The following PITPNB variants were observed in gnomAD, a reference collection of about 807,000 sequenced individuals.
PITPNB encodes phosphatidylinositol transfer protein beta isoform.
Under a neutral mutation model 45.9 loss-of-function variants are expected in PITPNB, and 16 were observed. The observed-to-expected ratio is 0.35, with a 90% CI of 0.24 to 0.53. The LOEUF is 0.53. Ranked by LOEUF, PITPNB falls within the 20% of genes least tolerant of loss-of-function variation. The pLI is 0.93. For missense variants in PITPNB, 188 were observed against 330.5 expected, an observed-to-expected ratio of 0.57 and a Z score of 3.34; for synonymous variants, 112 against 108.9, an observed-to-expected ratio of 1.03 and a Z score of -0.18.
intron 3 of PITPNB, among the ~76,000 whole-genome samples, chr22:27,900,796 G>C (rs963528639): frequency 1.1e-4 from 16 of 152,138 alleles, no homozygotes; most frequent in African/African-American, 3.1e-4. Context: ...TGCCACCACA[G>C]TTACCACTTA....
chr22:27,905,191 C>T (rs1227875638), intron 3 of PITPNB, among the ~76,000 whole-genome samples: 1 of 152,142 alleles, frequency 6.6e-6, no homozygotes, highest in Non-Finnish European at 1.5e-5. Flanking sequence ...CTCTTGTCTC[C>T]CAGGCTGGAG....
chr22:27,884,151 G>A (rs1314008549), intron 7 of PITPNB, among the ~76,000 whole-genome samples: 1 of 152,162 alleles, frequency 6.6e-6, no homozygotes, highest in Non-Finnish European at 1.5e-5. Flanking sequence ...GGGAGGGAAG[G>A]CTGGCTGCCT....
intron 7 of PITPNB, among the ~76,000 whole-genome samples, chr22:27,891,248 T>A (rs183408059): frequency 6.6e-6 from 1 of 152,306 alleles, no homozygotes; most frequent in East Asian, 1.9e-4. Context: ...GTGTATTTTA[T>A]CCCAATAAAA....
At chr22:27,878,537 TTCAGG>T (rs1934882223) in intron 7 of PITPNB, among the ~76,000 whole-genome samples, 1 of 152,222 alleles carries the variant, frequency 6.6e-6, no homozygotes, top group Admixed American at 6.5e-5. Context: ...TCCTCAACCT[TTCAGG>T]TTCCCACAGA....
At chr22:27,881,599 A>C (rs1601399763) in intron 7 of PITPNB, among the ~76,000 whole-genome samples, 1 of 152,230 alleles carries the variant, frequency 6.6e-6, no homozygotes, top group South Asian at 2.1e-4. Flanking sequence ...TCTCAGCCAC[A>C]GACTTCTAAT....
intron 7 of PITPNB, among the ~76,000 whole-genome samples, chr22:27,889,512 A>G (rs994842426): frequency 6.6e-5 from 10 of 152,198 alleles, no homozygotes; most frequent in African/African-American, 1.7e-4. Context: ...GTAAGAGGAA[A>G]AAGTGTAATG....
chr22:27,864,898 A>G (rs1934440092), intron 8 of PITPNB, among the ~76,000 whole-genome samples: 2 of 151,976 alleles, frequency 1.3e-5, no homozygotes, highest in Admixed American at 6.6e-5. Context: ...AGTTCGTGCC[A>G]TTGCACTCCA....
At chr22:27,896,989 G>C in intron 5 of PITPNB, 141 bp downstream of exon 5, 2 of 725,970 alleles carry the variant, frequency 2.8e-6, no homozygotes, top group Non-Finnish European at 5.1e-6. Context: ...ACATGTGGTA[G>C]AGTGTGGCGG....
At chr22:27,896,809 A>G in intron 5 of PITPNB, 183 bp from the exon 6 acceptor site, 1 of 608,418 alleles carries the variant, frequency 1.6e-6, no homozygotes, top group Non-Finnish European at 2.9e-6. Flanking sequence ...CAAATGCTAC[A>G]TGCTTTTAAA....
intron 7 of PITPNB, among the ~76,000 whole-genome samples, chr22:27,882,429 T>A (rs1244930081): frequency 2.0e-5 from 3 of 152,226 alleles, no homozygotes; most frequent in East Asian, 1.9e-4. Context: ...AGTATATTCC[T>A]GCCCTCAACT....
intron 10 of PITPNB, among the ~76,000 whole-genome samples, chr22:27,856,746 C>T (rs1253084732): frequency 1.3e-5 from 2 of 152,182 alleles, no homozygotes; most frequent in African/African-American, 4.8e-5. Flanking sequence ...GTTTGGGTGT[C>T]TCTTGCTGCT....
chr22:27,898,047 G>A, intron 3 of PITPNB, 155 bp from the exon 4 acceptor site: 1 of 600,928 alleles, frequency 1.7e-6, no homozygotes, highest in Non-Finnish European at 3.0e-6. Context: ...CAGTAGAAAT[G>A]AACACATAAT....
chr22:27,860,149 T>G lies in PITPNB; in HGVS notation c.627A>C (p.Val209=), dbSNP rs747171015. The G allele has an allele frequency of 1.9e-6, 3 of 1,609,682 alleles. No homozygotes were observed. The highest frequency in any genetic ancestry group is 2.6e-6 in the Non-Finnish European group (3 of 1,176,002). ...KFKWWGLQSK[V]ENFIQKQEKR... ...ATTTTACCTTTTGAATGAAGTTTTCTACTTTGCTTTGCAGTCCCCACCACT... is the reference window on the plus strand; with the variant it reads ...ATTTTACCTTTTGAATGAAGTTTTCGACTTTGCTTTGCAGTCCCCACCACT... Residue 209 remains valine (V), a synonymous_variant, in exon 9 of 12, where the codon GTA becomes GTC. Coordinates refer to ENST00000335272, the MANE Select transcript of PITPNB (RefSeq NM_012399.5).
chr22:27,887,011 C>T (rs2146387310), intron 7 of PITPNB, among the ~76,000 whole-genome samples: 1 of 152,286 alleles, frequency 6.6e-6, no homozygotes, highest in South Asian at 2.1e-4. Flanking sequence ...CTTTGAGGAT[C>T]ACTATACCTT....
At chr22:27,856,249 T>C (rs1934168591) in intron 10 of PITPNB, among the ~76,000 whole-genome samples, 1 of 152,232 alleles carries the variant, frequency 6.6e-6, no homozygotes, top group Admixed American at 6.5e-5. Context: ...GTTTCAGCAA[T>C]GTGGGTATAA....
intron 2 of PITPNB, among the ~76,000 whole-genome samples, chr22:27,913,230 T>C (rs1935983590): frequency 6.6e-6 from 1 of 152,168 alleles, no homozygotes; most frequent in Admixed American, 6.6e-5. Context: ...CCTCCTGAGA[T>C]ATAAACAACT....
intron 8 of PITPNB, among the ~76,000 whole-genome samples, chr22:27,866,567 G>T (rs1349661681): frequency 6.6e-6 from 1 of 152,062 alleles, no homozygotes; most frequent in Non-Finnish European, 1.5e-5. Flanking sequence ...GAATCCAAAG[G>T]CATTCTGGAA....
chr22:27,893,658 C>T (rs889215101), intron 7 of PITPNB, among the ~76,000 whole-genome samples: 6 of 146,620 alleles, frequency 4.1e-5, no homozygotes, highest in African/African-American at 1.5e-4. Flanking sequence ...GGTACGATCA[C>T]GGCTCACTGC....
intron 2 of PITPNB, among the ~76,000 whole-genome samples, chr22:27,913,900 T>C (rs1373813439): frequency 6.6e-6 from 1 of 152,188 alleles, no homozygotes; most frequent in Non-Finnish European, 1.5e-5. Flanking sequence ...TGGGATAAAC[T>C]GTAAACAAGA....
Sources: gnomAD v4.1 joint callset for allele counts (sites outside exome capture counted in the v4.1 genomes callset) on GRCh38, gnomAD v4.1.1 for gene constraint, MANE v1.5 for transcripts, NCBI Gene and HGNC (gene_info 2026-07-23, HGNC 2026-07-21) for gene names.